The following LRRC28 variants were observed in gnomAD, a reference collection of about 807,000 sequenced individuals.
LRRC28 encodes the protein leucine rich repeat containing 28.
LRRC28 carries 39 observed loss-of-function variants against 45.7 expected under a neutral mutation model. The observed-to-expected ratio is 0.85, with a 90% CI of 0.66 to 1.12. The LOEUF is 1.12. Among genes scored for constraint, LRRC28 ranks in the 50% most tolerant of loss-of-function variants. The pLI, the probability that LRRC28 is intolerant of heterozygous loss-of-function variation, is 0.00. For synonymous variants in LRRC28, 206 were observed against 178.8 expected, an observed-to-expected ratio of 1.15 and a Z score of -1.22; for missense variants, 435 against 438.5, an observed-to-expected ratio of 0.99 and a Z score of 0.07.
At chr15:99,349,103 G>A (rs1956789125) in intron 6 of LRRC28, among the ~76,000 whole-genome samples, 4 of 152,074 alleles carry the variant, frequency 2.6e-5, no homozygotes, top group Admixed American at 2.0e-4. Context: ...GAAATGCTAT[G>A]AATTTTATAC....
At chr15:99,252,618 T>C (rs1030172488) in intron 1 of LRRC28, among the ~76,000 whole-genome samples, 2 of 152,222 alleles carry the variant, frequency 1.3e-5, no homozygotes, top group African/African-American at 2.4e-5. Context: ...CTACATAATG[T>C]CTATTGCAGT....
At position 99,386,111 on chromosome 15, in the gene LRRC28, C is replaced by A. The variant is rs1445995405; in HGVS notation, c.*9C>A. The A allele has an allele frequency of 6.2e-7, 1 of 1,612,086 alleles. No individual in the cohort carries two copies. Among genetic ancestry groups the A allele is most frequent in the African/African-American group, 1.3e-5 (1 of 74,882 alleles). On this transcript the variant is annotated 3_prime_UTR_variant, in exon 10 of 10. Coordinates refer to ENST00000301981, the MANE Select transcript of LRRC28 (RefSeq NM_144598.5). ...TTGACCTGCTGAGTTGATAAACACT[C>A]AAGAACCTCAGGAGCGCTGCCAGCT...
chr15:99,291,220 A>G (rs926934154), intron 5 of LRRC28, among the ~76,000 whole-genome samples: 2 of 152,188 alleles, frequency 1.3e-5, no homozygotes, highest in Non-Finnish European at 2.9e-5. Context: ...TTCGAGGCAT[A>G]TACTTGTGAT....
intron 6 of LRRC28, among the ~76,000 whole-genome samples, chr15:99,351,480 A>G (rs1163721488): frequency 2.0e-5 from 3 of 151,894 alleles, no homozygotes; most frequent in Admixed American, 1.3e-4. Flanking sequence ...CTCCCTTTCT[A>G]GGTTCATACC....
At chr15:99,332,654 G>A (rs1412345117) in intron 5 of LRRC28, among the ~76,000 whole-genome samples, 1 of 152,118 alleles carries the variant, frequency 6.6e-6, no homozygotes, top group East Asian at 1.9e-4. Flanking sequence ...ACCAGTTTCA[G>A]CTTGCAGGCA....
chr15:99,359,112 T>C (rs146064123), intron 7 of LRRC28, among the ~76,000 whole-genome samples: 1,933 of 151,810 alleles, frequency 0.013, 15 homozygotes, highest in Middle Eastern at 0.031. Flanking sequence ...ACAATAAACA[T>C]ACTGGAAGAA....
chr15:99,269,310 A>T (rs2081411132), intron 2 of LRRC28, among the ~76,000 whole-genome samples: 1 of 152,230 alleles, frequency 6.6e-6, no homozygotes. Flanking sequence ...TTAAGTAGTT[A>T]TTCTTCATGT....
At chr15:99,353,035 T>C (rs1193334245) in intron 7 of LRRC28, among the ~76,000 whole-genome samples, 2 of 152,248 alleles carry the variant, frequency 1.3e-5, no homozygotes, top group East Asian at 1.9e-4. Context: ...AATGGGCTTT[T>C]ATTTTCAGAG....
chr15:99,285,343 C>T lies in LRRC28; in HGVS notation c.210-1914C>T, dbSNP rs1356886017. 3 of 742,148 alleles carry T rather than the reference C, an allele frequency of 4.0e-6. No homozygotes were observed. In the African/African-American group the frequency reaches 5.1e-5, roughly 13 times the overall value. 46.0% of individuals were successfully genotyped at this position (742,148 alleles called of 1,614,324 possible). A position where few individuals can be genotyped will look rare whatever the true frequency, so the allele number is the denominator to read the frequency against. On this transcript the variant is annotated intron_variant, in intron 3 of 9. Transcript: ENST00000301981. The stretch of plus-strand genomic sequence containing the variant: ...TCTTTAGTCCCACAACTCTTCTGTC[C>T]ACCTTGTGTGGCTTTGCATTCATGG...
intron 9 of LRRC28, among the ~76,000 whole-genome samples, chr15:99,380,175 A>T (rs1479104227): frequency 6.6e-6 from 1 of 151,594 alleles, no homozygotes; most frequent in African/African-American, 2.4e-5. Flanking sequence ...GGAGTCTAAG[A>T]CTCTTTCTAG....
At chr15:99,318,992 A>G (rs1488667801) in intron 5 of LRRC28, among the ~76,000 whole-genome samples, 1 of 152,156 alleles carries the variant, frequency 6.6e-6, no homozygotes, top group African/African-American at 2.4e-5. Context: ...GTTTTCCTTT[A>G]AAATTTCTTC....
chr15:99,379,941 G>A (rs1342726380), intron 9 of LRRC28, among the ~76,000 whole-genome samples: 1 of 152,208 alleles, frequency 6.6e-6, no homozygotes, highest in Non-Finnish European at 1.5e-5. Context: ...TACATTTGCT[G>A]AGGAATGCTT....
chr15:99,281,327 C>G (rs913491007), intron 3 of LRRC28, among the ~76,000 whole-genome samples: 5 of 151,566 alleles, frequency 3.3e-5, no homozygotes, highest in Non-Finnish European at 7.4e-5. Context: ...TCATGGCTCA[C>G]TGTAACATCA....
intron 5 of LRRC28, among the ~76,000 whole-genome samples, chr15:99,321,455 G>A (rs1597340603): frequency 1.3e-5 from 2 of 152,120 alleles, no homozygotes; most frequent in South Asian, 4.1e-4. Flanking sequence ...GCTGGCGTTC[G>A]GTCAGTAATG....
intron 5 of LRRC28, among the ~76,000 whole-genome samples, chr15:99,315,271 G>C (rs138894326): frequency 6.6e-6 from 1 of 151,596 alleles, no homozygotes; most frequent in East Asian, 1.9e-4. Context: ...TAACAGGAAA[G>C]TAAATTCATT....
At chr15:99,343,187 G>T (rs554542379) in intron 6 of LRRC28, among the ~76,000 whole-genome samples, 1 of 152,280 alleles carries the variant, frequency 6.6e-6, no homozygotes, top group East Asian at 1.9e-4. Context: ...TATTTTGATT[G>T]ATTGCTTTGA....
At chr15:99,383,052 A>C (rs1957876701) in intron 9 of LRRC28, among the ~76,000 whole-genome samples, 1 of 151,812 alleles carries the variant, frequency 6.6e-6, no homozygotes, top group Non-Finnish European at 1.5e-5. Context: ...CGCAACCCTC[A>C]CCCTAATCCA....
intron 7 of LRRC28, chr15:99,355,310 G>T (rs1259218099): frequency 6.6e-6 from 1 of 152,180 alleles, no homozygotes; most frequent in South Asian, 2.1e-4. Flanking sequence ...CCTAAGAGAG[G>T]TAGAGTGATG....
intron 2 of LRRC28, among the ~76,000 whole-genome samples, chr15:99,270,628 G>A (rs377500596): frequency 3.3e-5 from 5 of 152,146 alleles, no homozygotes; most frequent in African/African-American, 7.2e-5. Flanking sequence ...GTGTGATTCC[G>A]TAGGGATTCC....
Sources: gnomAD v4.1 joint callset for allele counts (sites outside exome capture counted in the v4.1 genomes callset) on GRCh38, gnomAD v4.1.1 for gene constraint, MANE v1.5 for transcripts, NCBI Gene and HGNC (gene_info 2026-07-23, HGNC 2026-07-21) for gene names.